Variants in ANKMY2 observed in about 807,000 individuals in gnomAD.
The protein encoded by ANKMY2 is ankyrin repeat and MYND domain-containing protein 2.
In ANKMY2, 36 loss-of-function variants were observed where a neutral mutation model predicts 50.4. The ratio of observed to expected loss-of-function variants is 0.71; its 90% CI spans 0.55 to 0.94. ANKMY2 has a LOEUF of 0.94. Ranked by LOEUF, ANKMY2 falls within the 40% of genes least tolerant of loss-of-function variation. The pLI, the probability that ANKMY2 is intolerant of heterozygous loss-of-function variation, is 0.00. For missense variants in ANKMY2, 565 were observed against 524.0 expected, an observed-to-expected ratio of 1.08 and a Z score of -0.76; for synonymous variants, 187 against 178.8, an observed-to-expected ratio of 1.05 and a Z score of -0.36.
intron 5 of ANKMY2, among the ~76,000 whole-genome samples, chr7:16,613,151 T>C (rs1554400950): frequency 6.6e-6 from 1 of 152,206 alleles, no homozygotes; most frequent in Non-Finnish European, 1.5e-5. Context: ...AACCTTCATA[T>C]TCTGGGCATC....
Position 16,617,917 on chromosome 7 carries a change from G to GTTTTTTTTTT in ANKMY2, c.371-2023_371-2014dup, listed in dbSNP as rs780533044. Among the ~76,000 whole-genome samples the GTTTTTTTTTT allele has an allele frequency of 3.2e-4, 35 of 110,886 alleles. 1 individual carries two copies. The highest frequency in any genetic ancestry group is 1.2e-3 in the African/African-American group (33 of 28,536). The allele number at this position is 110,886 out of a possible 152,430, so 72.7% of individuals were successfully genotyped here. ...AGGAGTTGGAGGCTACAGTGAGCGT[G>GTTTTTTTTTT]TTTTTTTTTTTTTTTTTTTTTTTTG... is the stretch of plus-strand genomic sequence containing the variant. On this transcript the variant is annotated intron_variant, in intron 4 of 9. Coordinates refer to ENST00000306999, the MANE Select transcript of ANKMY2 (RefSeq NM_020319.3).
chr7:16,637,515 T>C (rs1489326108), intron 1 of ANKMY2, among the ~76,000 whole-genome samples: 2 of 152,238 alleles, frequency 1.3e-5, no homozygotes, highest in African/African-American at 4.8e-5. Context: ...GTGAATGATC[T>C]ACACGTCCCT....
intron 1 of ANKMY2, among the ~76,000 whole-genome samples, chr7:16,641,253 C>G (rs1323957154): frequency 6.6e-6 from 1 of 151,874 alleles, no homozygotes; most frequent in Non-Finnish European, 1.5e-5. Context: ...CACACACACA[C>G]ACACACATAG....
intron 1 of ANKMY2, chr7:16,644,538 A>T (rs905982894): frequency 2.9e-5 from 10 of 346,996 alleles, no homozygotes; most frequent in African/African-American, 2.2e-4. Context: ...CTTATGCTGC[A>T]ATGACTGGCA....
rs539078616 is a variant in ANKMY2 at position 16,631,060 on chromosome 7, T to G, written c.133-3882A>C. On this transcript the variant is annotated intron_variant, in intron 2 of 9. Transcript: ENST00000306999. ...ATATGATGCTAAAGTTTGTGGAAGG[T>G]TTCTGCAAACCTATCAGGTTACAGA... is the stretch of plus-strand genomic sequence containing the variant. 1.2e-4 allele frequency among the ~76,000 whole-genome samples: 19 copies of G among 152,350 alleles called. No homozygotes were observed. The South Asian group carries it at 3.9e-3, about 32-fold the overall frequency.
At chr7:16,641,812 G>A (rs910834537) in intron 1 of ANKMY2, among the ~76,000 whole-genome samples, 1 of 152,150 alleles carries the variant, frequency 6.6e-6, no homozygotes, top group African/African-American at 2.4e-5. Context: ...GATACTTATT[G>A]TATGATTCTA....
intron 5 of ANKMY2, among the ~76,000 whole-genome samples, chr7:16,612,470 G>T (rs1781270386): frequency 1.3e-5 from 2 of 152,178 alleles, no homozygotes; most frequent in East Asian, 3.9e-4. Context: ...AACATACTTT[G>T]ACAATTTATG....
chr7:16,636,577 G>T, intron 1 of ANKMY2, 122 bp from the exon 2 acceptor site: 1 of 604,406 alleles, frequency 1.7e-6, no homozygotes. Flanking sequence ...AGTGTAGGTT[G>T]CTAAGAAATG....
chr7:16,633,952 TATTA>T (rs1353022920), intron 2 of ANKMY2, among the ~76,000 whole-genome samples: 9 of 152,204 alleles, frequency 5.9e-5, no homozygotes, highest in Non-Finnish European at 1.3e-4. Context: ...CTTGGTGTAT[TATTA>T]ATTTAATATA....
At chr7:16,643,500 A>G (rs1781772981) in intron 1 of ANKMY2, among the ~76,000 whole-genome samples, 1 of 152,176 alleles carries the variant, frequency 6.6e-6, no homozygotes, top group African/African-American at 2.4e-5. Context: ...TCTCATTGGC[A>G]TGGTCCAATG....
chr7:16,608,589 T>C (rs1036448459), intron 7 of ANKMY2, among the ~76,000 whole-genome samples: 1 of 152,160 alleles, frequency 6.6e-6, no homozygotes. Flanking sequence ...GAGGAAGCCA[T>C]GGATGGGACT....
chr7:16,619,158 T>C (rs1781398947), intron 4 of ANKMY2, among the ~76,000 whole-genome samples: 1 of 151,164 alleles, frequency 6.6e-6, no homozygotes, highest in Non-Finnish European at 1.5e-5. Context: ...ATTATACCTT[T>C]TTTTTTTTTT....
At position 16,610,749 on chromosome 7, in the gene ANKMY2, T is replaced by C. The variant is rs1781235714; in HGVS notation, c.546A>G (p.Val182=). ...NLHPVKIVML[V]NENPLLTEEA... is the part of the protein sequence containing the mutation. Reference sequence around the variant, plus strand: ...CTTCTGTCAGCAGAGGATTCTCATTTACAAGCATCACGATCTAGAGGAAAT... The same window carrying C: ...CTTCTGTCAGCAGAGGATTCTCATTCACAAGCATCACGATCTAGAGGAAAT... Residue 182 remains valine (V), a synonymous_variant, in exon 6 of 10, where the codon GTA becomes GTG. Transcript: ENST00000306999. The C allele has an allele frequency of 6.2e-7, 1 of 1,613,670 alleles. No individual in the cohort carries two copies. Among genetic ancestry groups the C allele is most frequent in the Admixed American group, 1.7e-5 (1 of 59,990 alleles).
At chr7:16,632,349 A>C (rs555316449) in intron 2 of ANKMY2, among the ~76,000 whole-genome samples, 1 of 152,246 alleles carries the variant, frequency 6.6e-6, no homozygotes, top group South Asian at 2.1e-4. Flanking sequence ...CAATTTTTGA[A>C]TATTTTCATA....
At chr7:16,619,167 T>C (rs1781399012) in intron 4 of ANKMY2, among the ~76,000 whole-genome samples, 1 of 152,126 alleles carries the variant, frequency 6.6e-6, no homozygotes, top group African/African-American at 2.4e-5. Flanking sequence ...TTTTTTTTTT[T>C]TTTGAGATGG....
chr7:16,633,662 C>T (rs188273424), intron 2 of ANKMY2, among the ~76,000 whole-genome samples: 61 of 152,066 alleles, frequency 4.0e-4, no homozygotes, highest in Admixed American at 1.5e-3. Flanking sequence ...CTACAATTTC[C>T]GTTATAAAAT....
At chr7:16,623,695 C>T (rs978281922) in intron 4 of ANKMY2, among the ~76,000 whole-genome samples, 1 of 152,120 alleles carries the variant, frequency 6.6e-6, no homozygotes, top group African/African-American at 2.4e-5. Flanking sequence ...TTCTTTCCCC[C>T]TGCAGTGACA....
chr7:16,620,445 G>A (rs1298213361), intron 4 of ANKMY2, among the ~76,000 whole-genome samples: 1 of 152,156 alleles, frequency 6.6e-6, no homozygotes, highest in Non-Finnish European at 1.5e-5. Flanking sequence ...GCCTGACAAG[G>A]CAAAAACAGA....
intron 2 of ANKMY2, among the ~76,000 whole-genome samples, chr7:16,633,983 T>A (rs1781622535): frequency 6.6e-6 from 1 of 152,180 alleles, no homozygotes; most frequent in Admixed American, 6.5e-5. Context: ...AGAATATCCA[T>A]ATAATTATTT....
Sources: gnomAD v4.1 joint callset for allele counts (sites outside exome capture counted in the v4.1 genomes callset) on GRCh38, gnomAD v4.1.1 for gene constraint, MANE v1.5 for transcripts, NCBI Gene and HGNC (gene_info 2026-07-23, HGNC 2026-07-21) for gene names.